Variants in POLDIP2 observed in about 807,000 individuals in gnomAD.
POLDIP2 encodes DNA polymerase delta interacting protein 2.
Under a neutral mutation model 52.9 loss-of-function variants are expected in POLDIP2, and 32 were observed. The observed-to-expected ratio is 0.61, with a 90% CI of 0.46 to 0.81. The LOEUF is 0.81. Ranked by LOEUF, POLDIP2 falls within the 40% of genes least tolerant of loss-of-function variation. The probability of loss-of-function intolerance (pLI) is 0.00; values close to 1 mark genes in which losing one functional copy is unlikely to be tolerated. For synonymous variants in POLDIP2, 183 were observed against 183.0 expected (o/e 1.00, Z 0.00); for missense variants, 371 against 477.3 (o/e 0.78, Z 2.07).
Position 28,355,766 on chromosome 17 carries a change from A to C in POLDIP2, c.243+29T>G, listed in dbSNP as rs1332815318. 3.2e-6 allele frequency: 5 copies of C among 1,569,752 alleles called. No individual in the cohort carries two copies. The African/African-American group carries it at 6.8e-5, about 21-fold the overall frequency. The stretch of plus-strand genomic sequence containing the variant: ...TTTCAGAAGCAGAGCACTCTATGAA[A>C]ATGAAAGATGACCCAGCCCAATACT... On this transcript the variant is annotated intron_variant, in intron 2 of 10. Transcript: ENST00000540200.
rs1555580788 is a variant in POLDIP2 at position 28,355,761 on chromosome 17, A to G, written c.243+34T>C. On this transcript the variant is annotated intron_variant, in intron 2 of 10. Coordinates refer to ENST00000540200, the MANE Select transcript of POLDIP2 (RefSeq NM_015584.5). ...ACTTTTTTCAGAAGCAGAGCACTCTATGAAAATGAAAGATGACCCAGCCCA... is the reference window on the plus strand; with the variant it reads ...ACTTTTTTCAGAAGCAGAGCACTCTGTGAAAATGAAAGATGACCCAGCCCA... 7.8e-6 allele frequency: 12 copies of G among 1,533,676 alleles called. No homozygotes were observed. In the South Asian group the frequency reaches 1.3e-4, roughly 16 times the overall value.
In POLDIP2 at chr17:28,349,094, A is replaced by G; in HGVS notation, c.981T>C (p.Ser327=). The change falls in exon 10 of 11, where the codon AGT becomes AGC. Residue 327 remains serine, a synonymous_variant. Transcript: ENST00000540200. ...GCACACTCACTCACCACATGTGCCC[A>G]CTGGAAGCCTGCAGCGAGACGTGGC... ...YSSHVSLQAS[S]GHMWGTFRFE... is the part of the protein sequence containing the mutation. 1 of 1,612,388 alleles carries G rather than the reference A, an allele frequency of 6.2e-7. No homozygotes were observed. Among genetic ancestry groups the G allele is most frequent in the Non-Finnish European group, 8.5e-7 (1 of 1,178,748 alleles).
intron 7 of POLDIP2, among the ~76,000 whole-genome samples, chr17:28,351,126 C>T (rs1449528299): frequency 6.6e-6 from 1 of 152,210 alleles, no homozygotes; most frequent in Non-Finnish European, 1.5e-5. Flanking sequence ...CCCCTGTCCT[C>T]CTCCTGTCTC....
intron 7 of POLDIP2, among the ~76,000 whole-genome samples, chr17:28,351,340 A>T (rs1009193148): frequency 6.6e-6 from 1 of 152,232 alleles, no homozygotes; most frequent in Admixed American, 6.5e-5. Context: ...GTAAGTGTCT[A>T]TAATGTGTAA....
At chr17:28,349,286 C>T (rs1555579475) in intron 9 of POLDIP2, 124 bp from the exon 10 acceptor site, 2 of 640,688 alleles carry the variant, frequency 3.1e-6, no homozygotes, top group African/African-American at 3.6e-5. Flanking sequence ...ACCACCACAG[C>T]AGGCACTCCC....
chr17:28,353,656 T>C (rs782023901), intron 4 of POLDIP2, 39 bp downstream of exon 4: 3 of 1,404,028 alleles, frequency 2.1e-6, no homozygotes, highest in South Asian at 1.2e-5. Context: ...GGACTTTCCA[T>C]GGAGAGGACC....
At chr17:28,356,860 TG>T (rs2142401552) in intron 1 of POLDIP2, among the ~76,000 whole-genome samples, 1 of 152,330 alleles carries the variant, frequency 6.6e-6, no homozygotes, top group Non-Finnish European at 1.5e-5. Flanking sequence ...CAAAGTCACT[TG>T]GAAACCTGGG....
intron 6 of POLDIP2, among the ~76,000 whole-genome samples, chr17:28,352,537 C>CTTT (rs3032928): frequency 0.54 from 68,939 of 128,486 alleles, 18,623 homozygotes; most frequent in East Asian, 0.7. Context: ...GCACCCGGGC[C>CTTT]TTTTTTTTTT....
chr17:28,352,390 A>G (rs1175527883), intron 6 of POLDIP2, among the ~76,000 whole-genome samples: 9 of 151,618 alleles, frequency 5.9e-5, no homozygotes, highest in African/African-American at 1.9e-4. Flanking sequence ...GGTGCACGCC[A>G]CCACACCCAG....
intron 6 of POLDIP2, among the ~76,000 whole-genome samples, chr17:28,352,237 C>CTTTTTTTTTTCT (rs1907823690): frequency 1.1e-5 from 1 of 87,654 alleles, no homozygotes; most frequent in East Asian, 5.1e-4. Context: ...GGAATTATTT[C>CTTTTTTTTTTCT]TTTTTTTTTT....
chr17:28,351,144 T>C (rs782530936), intron 7 of POLDIP2, among the ~76,000 whole-genome samples: 8 of 152,312 alleles, frequency 5.3e-5, no homozygotes, highest in South Asian at 4.1e-4. Context: ...CTCCCATTAC[T>C]GTCCCTTGCT....
chr17:28,352,237 CTTTTTT>C (rs782311219), intron 6 of POLDIP2, among the ~76,000 whole-genome samples: 7 of 87,650 alleles, frequency 8.0e-5, no homozygotes, highest in Non-Finnish European at 1.0e-4. Flanking sequence ...GGAATTATTT[CTTTTTT>C]TTTTTTTTTT....
rs782104637 is a variant in POLDIP2 at position 28,350,388 on chromosome 17, C to T, written c.912+50G>A. On this transcript the variant is annotated intron_variant, in intron 9 of 10. Coordinates refer to ENST00000540200, the MANE Select transcript of POLDIP2 (RefSeq NM_015584.5). The stretch of plus-strand genomic sequence containing the variant: ...AAGGAGAAGGAAGCCATGCGCTAAG[C>T]CCCCAGGCTTGCCACACAGGACCAG... The T allele has an allele frequency of 2.6e-6, 4 of 1,540,380 alleles. No homozygotes were observed. The African/African-American group carries it at 4.1e-5, about 16-fold the overall frequency.
At position 28,355,779 on chromosome 17, in the gene POLDIP2, C is replaced by T. The variant is rs1555580791; in HGVS notation, c.243+16G>A. On this transcript the variant is annotated intron_variant, in intron 2 of 10. Coordinates refer to ENST00000540200, the MANE Select transcript of POLDIP2 (RefSeq NM_015584.5). ...GCACTCTATGAAAATGAAAGATGAC[C>T]CAGCCCAATACTCACCTGCCCGGTC... 1 of 1,597,354 alleles carries T rather than the reference C, an allele frequency of 6.3e-7. No individual in the cohort carries two copies. Among genetic ancestry groups the T allele is most frequent in the Non-Finnish European group, 8.6e-7 (1 of 1,168,470 alleles).
In POLDIP2 at chr17:28,347,918, G is replaced by A. The variant is rs1567790017; in HGVS notation, c.*199C>T. On this transcript the variant is annotated 3_prime_UTR_variant, in exon 11 of 11. Coordinates refer to ENST00000540200, the MANE Select transcript of POLDIP2 (RefSeq NM_015584.5). ...GGAACATGGTGTAGGCAGGGCTTAT[G>A]AGGAGGCCAGCCTTGGAGGTGTCCC... 8 of 577,750 alleles carry A rather than the reference G, an allele frequency of 1.4e-5. No individual in the cohort carries two copies. Among genetic ancestry groups the A allele is most frequent in the Non-Finnish European group, 1.5e-5 (5 of 324,218 alleles). 35.8% of individuals were successfully genotyped at this position (577,750 alleles called of 1,614,324 possible).
intron 9 of POLDIP2, 82 bp from the exon 10 acceptor site, chr17:28,349,244 G>A: frequency 3.1e-6 from 3 of 960,964 alleles, no homozygotes; most frequent in Admixed American, 2.1e-5. Flanking sequence ...CTGACTGCCA[G>A]TTCATCAAGA....
Position 28,353,768 on chromosome 17 carries a change from C to T in POLDIP2, c.365G>A (p.Gly122Asp). The change falls in exon 4 of 11, where the codon GGC becomes GAC. Residue 122 changes from glycine (G) to aspartate (D), a missense_variant. By Grantham distance (94) the Gly-to-Asp change is moderately conservative (BLOSUM62 -1). Transcript: ENST00000540200. ...PEKAENPAGHGSKEVKGKTHT... is the reference protein window; with the variant it reads ...PEKAENPAGHDSKEVKGKTHT... The stretch of plus-strand genomic sequence containing the variant: ...AGTTTTGCCTTTCACCTCCTTGGAG[C>T]CATGGCCAGCAGGGTTCTCTGCTCT... The T allele has an allele frequency of 6.2e-7, 1 of 1,613,062 alleles. No homozygotes were observed. Among genetic ancestry groups the T allele is most frequent in the Non-Finnish European group, 8.5e-7 (1 of 1,179,280 alleles).
chr17:28,349,185 G>C, intron 9 of POLDIP2, 23 bp from the exon 10 acceptor site: 2 of 1,585,632 alleles, frequency 1.3e-6, no homozygotes, highest in South Asian at 2.2e-5. Flanking sequence ...AGGCAAAATG[G>C]GTCAGGCCAA....
In POLDIP2 at chr17:28,357,317, G is replaced by A. The variant is rs868939620; in HGVS notation, c.132C>T (p.Thr44=). Residue 44 remains threonine, a synonymous_variant, in exon 1 of 11, where the codon ACC becomes ACT. Coordinates refer to ENST00000540200, the MANE Select transcript of POLDIP2 (RefSeq NM_015584.5). ...AGAGAFSPAS[T]TTTRRHLSSR... The stretch of plus-strand genomic sequence containing the variant: ...ACGAGAGGTGCCTCCGCGTCGTCGT[G>A]GTCGACGCTGGCGAGAAGGCTCCAG... The A allele has an allele frequency of 6.3e-7, 1 of 1,579,870 alleles. No homozygotes were observed. Among genetic ancestry groups the A allele is most frequent in the Non-Finnish European group, 8.5e-7 (1 of 1,172,944 alleles).
Sources: allele counts gnomAD v4.1 joint callset (sites outside exome capture counted in the v4.1 genomes callset), GRCh38; gene constraint gnomAD v4.1.1; transcripts MANE v1.5; gene names NCBI Gene and HGNC (gene_info 2026-07-23, HGNC 2026-07-21).